Variants in EFCAB11 observed in about 807,000 individuals in gnomAD.
EFCAB11 encodes EF-hand calcium binding domain 11, also known as EF-hand calcium-binding domain-containing protein 11.
Under a neutral mutation model 23.0 loss-of-function variants are expected in EFCAB11, and 14 were observed. That is an observed-to-expected ratio of 0.61 (90% confidence interval 0.40 to 0.95). The LOEUF (loss-of-function observed/expected upper bound fraction) is 0.95, where lower values mean the gene tolerates loss of function less well. Ranked by LOEUF, EFCAB11 falls within the 40% of genes least tolerant of loss-of-function variation. EFCAB11 has a pLI of 0.00. For synonymous variants in EFCAB11, 65 were observed against 66.6 expected (o/e 0.98, Z 0.11); for missense variants, 198 against 195.8 (o/e 1.01, Z -0.07).
At chr14:89,845,881 C>G (rs752569583) in intron 5 of EFCAB11, among the ~76,000 whole-genome samples, 1 of 152,194 alleles carries the variant, frequency 6.6e-6, no homozygotes. Flanking sequence ...CCTTCACAAA[C>G]AGGAATACAC....
chr14:89,902,208 G>A (rs1889361495), intron 5 of EFCAB11, among the ~76,000 whole-genome samples: 1 of 152,008 alleles, frequency 6.6e-6, no homozygotes, highest in Non-Finnish European at 1.5e-5. Context: ...CCTCTTTCTG[G>A]ATGGCTCTTC....
intron 5 of EFCAB11, among the ~76,000 whole-genome samples, chr14:89,854,195 T>G (rs1391868632): frequency 2.1e-5 from 3 of 140,452 alleles, no homozygotes; most frequent in Admixed American, 7.1e-5. Flanking sequence ...CGGTTGTCTC[T>G]CAAAAAAAAA....
chr14:89,860,349 A>G (rs1025406346), intron 5 of EFCAB11, among the ~76,000 whole-genome samples: 3 of 151,478 alleles, frequency 2.0e-5, no homozygotes, highest in Admixed American at 2.0e-4. Context: ...GGGCGACAAG[A>G]GTGAAAACTC....
intron 3 of EFCAB11, among the ~76,000 whole-genome samples, chr14:89,942,756 T>G (rs912279996): frequency 6.6e-5 from 10 of 152,216 alleles, no homozygotes; most frequent in African/African-American, 2.4e-4. Context: ...TTAGCACCTT[T>G]CTGCTACTCA....
intron 5 of EFCAB11, among the ~76,000 whole-genome samples, chr14:89,846,929 G>A (rs1025624050): frequency 6.6e-6 from 1 of 152,034 alleles, no homozygotes; most frequent in African/African-American, 2.4e-5. Context: ...CCTAAGGAAG[G>A]GTCTTGCTTT....
intron 5 of EFCAB11, among the ~76,000 whole-genome samples, chr14:89,823,058 G>A (rs1040711818): frequency 2.6e-5 from 4 of 152,142 alleles, no homozygotes; most frequent in African/African-American, 9.7e-5. Flanking sequence ...AAAGTGATGA[G>A]CTATAACTCC....
intron 5 of EFCAB11, chr14:89,836,710 A>AT (rs1404774162): frequency 8.8e-6 from 4 of 456,128 alleles, no homozygotes; most frequent in Non-Finnish European, 1.3e-5. Flanking sequence ...GTTTACCTTG[A>AT]TTTATAATGT....
intron 4 of EFCAB11, 140 bp from the exon 5 acceptor site, chr14:89,931,771 G>T: frequency 1.5e-6 from 1 of 676,134 alleles, no homozygotes; most frequent in Non-Finnish European, 2.5e-6. Flanking sequence ...TCACAGATAA[G>T]GTAATCTGAG....
intron 5 of EFCAB11, among the ~76,000 whole-genome samples, chr14:89,834,626 C>T (rs566709196): frequency 5.7e-4 from 87 of 152,228 alleles, no homozygotes; most frequent in African/African-American, 2.0e-3. Flanking sequence ...GATCTCAGGG[C>T]AAAGAGCATG....
chr14:89,845,453 G>T (rs1397535604), intron 5 of EFCAB11, among the ~76,000 whole-genome samples: 1 of 152,102 alleles, frequency 6.6e-6, no homozygotes, highest in African/African-American at 2.4e-5. Flanking sequence ...GAGCATTCTT[G>T]AAATAAGGTT....
chr14:89,917,102 G>GTA (rs1270446096), intron 5 of EFCAB11, among the ~76,000 whole-genome samples: 2 of 141,272 alleles, frequency 1.4e-5, no homozygotes, highest in East Asian at 4.0e-4. Context: ...GTGTGTATGT[G>GTA]TGTGTTGAAA....
intron 5 of EFCAB11, among the ~76,000 whole-genome samples, chr14:89,852,688 C>G (rs1022355633): frequency 1.3e-5 from 2 of 152,144 alleles, no homozygotes; most frequent in African/African-American, 4.8e-5. Context: ...ATGTTTTATT[C>G]CTCGCACACC....
chr14:89,865,100 CAGTGCT>C (rs945343319), intron 5 of EFCAB11, among the ~76,000 whole-genome samples: 20 of 152,300 alleles, frequency 1.3e-4, no homozygotes, highest in Admixed American at 5.2e-4. Context: ...CCGCTGCAGT[CAGTGCT>C]GCATCCTTGG....
At chr14:89,921,966 G>A (rs990561865) in intron 5 of EFCAB11, among the ~76,000 whole-genome samples, 2 of 151,974 alleles carry the variant, frequency 1.3e-5, no homozygotes, top group South Asian at 2.1e-4. Flanking sequence ...AGAAAAACAC[G>A]AGAAATTGAT....
At chr14:89,840,776 T>G (rs767298819) in intron 5 of EFCAB11, among the ~76,000 whole-genome samples, 9 of 152,158 alleles carry the variant, frequency 5.9e-5, no homozygotes, top group Non-Finnish European at 8.8e-5. Context: ...TTTAACCTGG[T>G]GAACATAAAA....
At chr14:89,843,747 C>T (rs1006368122) in intron 5 of EFCAB11, among the ~76,000 whole-genome samples, 6 of 152,210 alleles carry the variant, frequency 3.9e-5, no homozygotes, top group South Asian at 2.1e-4. Flanking sequence ...ACATCTTACA[C>T]TGGTCATCAA....
chr14:89,861,522 T>A (rs1277719272), intron 5 of EFCAB11, among the ~76,000 whole-genome samples: 1 of 152,240 alleles, frequency 6.6e-6, no homozygotes, highest in African/African-American at 2.4e-5. Context: ...AATTAGTACA[T>A]GCCCTGCTGA....
chr14:89,952,344 C>A (rs1332646063), intron 2 of EFCAB11: 1 of 957,304 alleles, frequency 1.0e-6, no homozygotes, highest in Non-Finnish European at 1.2e-6. Flanking sequence ...AAAATTGAAA[C>A]CAAATAGACT....
At chr14:89,843,917 T>C (rs1357388835) in intron 5 of EFCAB11, among the ~76,000 whole-genome samples, 2 of 152,258 alleles carry the variant, frequency 1.3e-5, no homozygotes, top group African/African-American at 4.8e-5. Flanking sequence ...GTTTCTCAAA[T>C]TCTAAATTTC....
Sources: allele counts gnomAD v4.1 joint callset (sites outside exome capture counted in the v4.1 genomes callset), GRCh38; gene constraint gnomAD v4.1.1; transcripts MANE v1.5; gene names NCBI Gene and HGNC (gene_info 2026-07-23, HGNC 2026-07-21).